The following VPS13D variants were observed in gnomAD, a reference collection of about 807,000 sequenced individuals.
VPS13D encodes vacuolar protein sorting 13 homolog D, also known as intermembrane lipid transfer protein VPS13D.
In VPS13D, 187 loss-of-function variants were observed where a neutral mutation model predicts 461.9. That is an observed-to-expected ratio of 0.40 (90% CI 0.36 to 0.46). The LOEUF (loss-of-function observed/expected upper bound fraction) is 0.46. Among genes scored for constraint, VPS13D ranks in the 20% least tolerant of loss-of-function variants. VPS13D has a pLI of 0.60. For synonymous variants in VPS13D, 1,951 were observed against 1,986.3 expected (o/e 0.98, Z 0.47); for missense variants, 4,711 against 5,364.9 (o/e 0.88, Z 3.81).
rs773409342 is a variant in VPS13D, at chr1:12,266,954, T to C, written c.1668T>C (p.Phe556=). The C allele has an allele frequency of 5.0e-6, 8 of 1,611,326 alleles. No individual in the cohort carries two copies. The highest frequency in any genetic ancestry group is 1.3e-5 in the African/African-American group (1 of 74,956). ...SLLSVRLGGL[F]LRDLATEGTM... Reference sequence around the variant, plus strand: ...TTTCAGTCCGGTTGGGTGGACTGTTTCTTCGAGACCTGGCTACAGAAGGAA... The same window carrying C: ...TTTCAGTCCGGTTGGGTGGACTGTTCCTTCGAGACCTGGCTACAGAAGGAA... Residue 556 remains phenylalanine, a synonymous_variant, in exon 14 of 70, where the codon TTT becomes TTC. Transcript: ENST00000620676.
chr1:12,417,697 G>A (rs945201670), intron 65 of VPS13D, among the ~76,000 whole-genome samples: 1 of 152,190 alleles, frequency 6.6e-6, no homozygotes, highest in Non-Finnish European at 1.5e-5. Context: ...GTATCTTGAA[G>A]AGGAGGTAAG....
intron 20 of VPS13D, among the ~76,000 whole-genome samples, chr1:12,281,524 G>T (rs1332919957): frequency 6.6e-6 from 1 of 152,166 alleles, no homozygotes; most frequent in Non-Finnish European, 1.5e-5. Context: ...TAGTTCTATA[G>T]GTTTGACTGG....
chr1:12,329,733 C>T lies in VPS13D; in HGVS notation c.8198-96C>T, dbSNP rs1388005461. On this transcript the variant is annotated intron_variant, in intron 36 of 69. Transcript: ENST00000620676. Reference sequence around the variant, plus strand: ...TCAGAATGTTGTGTGCTCTCCTTTGCGAGTATTAGCTCTAATGTTTCTTTA... The same window carrying T: ...TCAGAATGTTGTGTGCTCTCCTTTGTGAGTATTAGCTCTAATGTTTCTTTA... 2.3e-5 allele frequency: 19 copies of T among 822,420 alleles called. No individual in the cohort carries two copies. In the Admixed American group the frequency reaches 2.7e-4, roughly 12 times the overall value. 50.9% of individuals were successfully genotyped at this position (822,420 alleles called of 1,614,324 possible). A position where few individuals can be genotyped will look rare whatever the true frequency, so the allele number is the denominator to read the frequency against.
At chr1:12,247,492 A>C (rs57903813) in intron 5 of VPS13D, among the ~76,000 whole-genome samples, 2 of 151,712 alleles carry the variant, frequency 1.3e-5, no homozygotes, top group Non-Finnish European at 2.9e-5. Flanking sequence ...GAAAAAAATT[A>C]AAAAAAACCC....
chr1:12,341,861 C>T lies in VPS13D; in HGVS notation c.8708C>T (p.Ala2903Val). The T allele has an allele frequency of 6.2e-7, 1 of 1,614,016 alleles. No homozygotes were observed. Among genetic ancestry groups the T allele is most frequent in the East Asian group, 2.2e-5 (1 of 44,878 alleles). ...RNHTGCTLWF[A>V]TLTTTPTRAA... Reference sequence around the variant, plus strand: ...CACACGGGGTGCACTTTGTGGTTTGCCACCCTGACCACCACACCCACCAGG... The same window carrying T: ...CACACGGGGTGCACTTTGTGGTTTGTCACCCTGACCACCACACCCACCAGG... The change falls in exon 41 of 70, where the codon GCC becomes GTC. Residue 2903 changes from alanine (A) to valine (V), a missense_variant. Around this residue, in one of 3 missense-constraint regions of VPS13D, gnomAD observed 4,411 missense variants for 4,937.8 expected, o/e 0.89. Transcript: ENST00000620676.
At chr1:12,316,779 G>A (rs1642896996) in intron 30 of VPS13D, among the ~76,000 whole-genome samples, 1 of 151,636 alleles carries the variant, frequency 6.6e-6, no homozygotes, top group Admixed American at 6.6e-5. Context: ...TTGGGCTTAC[G>A]GAACCAAGTT....
chr1:12,244,296 GA>G lies in VPS13D; in HGVS notation c.227del (p.Asp76AlafsTer4). On this transcript the variant is annotated frameshift_variant, in exon 4 of 70. Transcript: ENST00000620676. LOFTEE classifies it high-confidence loss of function. ...LQIPFYRPHV[D>X]PWVISISSLH... The stretch of plus-strand genomic sequence containing the variant: ...GATTCCCTTTTATCGCCCCCATGTG[GA>G]CCCTTGGGTGATCTCCATCTCCAGC... The G allele has an allele frequency of 6.2e-7, 1 of 1,614,100 alleles. No individual in the cohort carries two copies. The highest frequency in any genetic ancestry group is 8.5e-7 in the Non-Finnish European group (1 of 1,179,988).
chr1:12,499,690 T>G (rs1646009051), intron 68 of VPS13D: 1 of 985,320 alleles, frequency 1.0e-6, no homozygotes, highest in Non-Finnish European at 1.2e-6. Flanking sequence ...TCCACCCAAG[T>G]TGTGGGTTAA....
In VPS13D at chr1:12,283,412, G is replaced by T; in HGVS notation, c.5310G>T (p.Glu1770Asp). 6.2e-7 allele frequency: 1 copy of T among 1,614,192 alleles called. No individual in the cohort carries two copies. The highest frequency in any genetic ancestry group is 8.5e-7 in the Non-Finnish European group (1 of 1,180,030). ...CACCTCCTTCTCCAACAGTGGATGA[G>T]CCCAAGATACTTGTTGGAAAGAGTA... ...LTPPPSPTVD[E>D]PKILVGKSKF... The change falls in exon 21 of 70, where the codon GAG becomes GAT. Residue 1770 changes from glutamate (E) to aspartate (D), a missense_variant. This residue lies in a region of VPS13D where 4,411 missense variants were observed against 4,937.8 expected (regional missense o/e 0.89). Transcript: ENST00000620676.
intron 65 of VPS13D, among the ~76,000 whole-genome samples, chr1:12,419,788 C>T (rs1557427771): frequency 6.6e-6 from 1 of 152,178 alleles, no homozygotes; most frequent in African/African-American, 2.4e-5. Flanking sequence ...TATCACATTG[C>T]TTAACATCAG....
chr1:12,323,005 C>G (rs1643080191), intron 34 of VPS13D, among the ~76,000 whole-genome samples: 1 of 152,142 alleles, frequency 6.6e-6, no homozygotes, highest in African/African-American at 2.4e-5. Flanking sequence ...GAGTTTTAAG[C>G]TTTGAGAGTT....
At chr1:12,283,778 G>A in intron 21 of VPS13D, 42 bp downstream of exon 21, 2 of 1,540,672 alleles carry the variant, frequency 1.3e-6, no homozygotes, top group Non-Finnish European at 1.7e-6. Context: ...TCTAAAAATG[G>A]ATTTGGGCTT....
At position 12,277,717 on chromosome 1, in the gene VPS13D, T is replaced by A; in HGVS notation, c.4129T>A (p.Leu1377Met). Residue 1377 changes from leucine (L) to methionine (M), a missense_variant, in exon 19 of 70, where the codon TTG becomes ATG. By Grantham distance (15) the Leu-to-Met change is conservative (BLOSUM62 2). This residue lies in a region of VPS13D where 4,411 missense variants were observed against 4,937.8 expected (regional missense o/e 0.89). Coordinates refer to ENST00000620676, the MANE Select transcript of VPS13D (RefSeq NM_015378.4). ...SSHLDTVKLI[L>M]NINIESPVVS... Reference sequence around the variant, plus strand: ...TCATTTGGACACTGTAAAGCTAATCTTGAACATAAACATTGAATCACCAGT... The same window carrying A: ...TCATTTGGACACTGTAAAGCTAATCATGAACATAAACATTGAATCACCAGT... 1 of 1,614,224 alleles carries A rather than the reference T, an allele frequency of 6.2e-7. No homozygotes were observed. The highest frequency in any genetic ancestry group is 8.5e-7 in the Non-Finnish European group (1 of 1,180,044).
intron 7 of VPS13D, 31 bp from the exon 8 acceptor site, chr1:12,256,302 G>T: frequency 6.3e-7 from 1 of 1,597,742 alleles, no homozygotes; most frequent in Non-Finnish European, 8.5e-7. Context: ...AAAGCCATTC[G>T]GAGCAGAGCA....
chr1:12,498,209 G>A (rs1645986158), intron 68 of VPS13D, among the ~76,000 whole-genome samples: 1 of 152,184 alleles, frequency 6.6e-6, no homozygotes, highest in Non-Finnish European at 1.5e-5. Flanking sequence ...TAGCATGAAA[G>A]TGCTCTATAA....
In VPS13D at chr1:12,338,233, C is replaced by T. The variant is rs1643491887; in HGVS notation, c.8554C>T (p.Leu2852Phe). 1.9e-6 allele frequency: 3 copies of T among 1,613,406 alleles called. No homozygotes were observed. Among genetic ancestry groups the T allele is most frequent in the African/African-American group, 1.3e-5 (1 of 75,038 alleles). Residue 2852 changes from leucine to phenylalanine, a missense_variant and splice_region_variant, in exon 40 of 70, where the codon CTC (leucine) becomes TTC (phenylalanine). By Grantham distance (22) the Leu-to-Phe change is conservative (BLOSUM62 0). This residue lies in a region of VPS13D where 4,411 missense variants were observed against 4,937.8 expected (regional missense o/e 0.89). Coordinates refer to ENST00000620676, the MANE Select transcript of VPS13D (RefSeq NM_015378.4). ...ACTTTGTCTCTCCTGTCTACCAGGCCTCCCCCTTGTCTACCTTAGAACTAG... is the reference window on the plus strand; with the variant it reads ...ACTTTGTCTCTCCTGTCTACCAGGCTTCCCCCTTGTCTACCTTAGAACTAG... ...SVDPPCFGQSLPLVYLRTRST... is the reference protein window; with the variant it reads ...SVDPPCFGQSFPLVYLRTRST...
chr1:12,306,003 A>C (rs1474808591), intron 26 of VPS13D, among the ~76,000 whole-genome samples: 1 of 150,312 alleles, frequency 6.7e-6, no homozygotes, highest in South Asian at 2.1e-4. Flanking sequence ...TATTTTTTTG[A>C]GATGGAGTCT....
chr1:12,241,110 T>G (rs1048078763), intron 2 of VPS13D, among the ~76,000 whole-genome samples: 2 of 151,958 alleles, frequency 1.3e-5, no homozygotes, highest in African/African-American at 4.8e-5. Flanking sequence ...CTGGCTAATT[T>G]TTAAAAATTT....
Position 12,502,466 on chromosome 1 carries a change from AGG to A in VPS13D, c.12795-4385_12795-4384del, listed in dbSNP as rs1386143312. Among the ~76,000 whole-genome samples the A allele has an allele frequency of 1.3e-5, 2 of 151,972 alleles. No homozygotes were observed. The highest frequency in any genetic ancestry group is 4.8e-5 in the African/African-American group (2 of 41,360). ...GTGGACGAGCTGAGGTCCCCTGAAGAGGGCCTGGCACTCAGAGCGACACTGGG... is the reference window on the plus strand; with the variant it reads ...GTGGACGAGCTGAGGTCCCCTGAAGAGCCTGGCACTCAGAGCGACACTGGG... On this transcript the variant is annotated intron_variant, in intron 68 of 69. Coordinates refer to ENST00000620676, the MANE Select transcript of VPS13D (RefSeq NM_015378.4). This position sits in a 1 kb window ranked among gnomAD's most constrained non-coding sequence, Gnocchi z 4.3.
Sources: allele counts gnomAD v4.1 joint callset (sites outside exome capture counted in the v4.1 genomes callset), GRCh38; gene constraint gnomAD v4.1.1; regional missense constraint gnomAD v4.1.1; non-coding constraint Gnocchi (gnomAD v3.1); transcripts MANE v1.5; gene names NCBI Gene and HGNC (gene_info 2026-07-23, HGNC 2026-07-21).